KIF1A: variants seen among roughly 807,000 people sequenced by gnomAD.
KIF1A encodes kinesin-like protein KIF1A.
Under a neutral mutation model 227.3 loss-of-function variants are expected in KIF1A, and 46 were observed. The observed-to-expected ratio is 0.20, with a 90% CI of 0.16 to 0.26. The LOEUF is 0.26. KIF1A is among the 10% of genes least tolerant of loss of function. KIF1A has a pLI of 1.00. For missense variants in KIF1A, 1,683 were observed against 2,485.9 expected, an observed-to-expected ratio of 0.68 and a Z score of 6.87; for synonymous variants, 1,022 against 1,012.8, an observed-to-expected ratio of 1.01 and a Z score of -0.17.
In KIF1A at chr2:240,740,437, G is replaced by T; in HGVS notation, c.3750-73C>A. ...CCCTCCCCGCAGCACAGGACACAGT[G>T]GACGGGAGCAAAAACAGGGAAAAGT... On this transcript the variant is annotated intron_variant, in intron 35 of 48. Coordinates refer to ENST00000498729, the MANE Select transcript of KIF1A (RefSeq NM_001244008.2). This position sits in a 1 kb window ranked among gnomAD's most constrained non-coding sequence, Gnocchi z 6.1. The T allele has an allele frequency of 1.5e-6, 2 of 1,297,308 alleles. No homozygotes were observed. The highest frequency in any genetic ancestry group is 1.2e-5 in the South Asian group (1 of 81,312). The allele number at this position is 1,297,308 out of a possible 1,614,324, so 80.4% of individuals were successfully genotyped here.
intron 1 of KIF1A, among the ~76,000 whole-genome samples, chr2:240,810,753 G>A (rs1013816092): frequency 4.6e-5 from 7 of 152,172 alleles, no homozygotes; most frequent in Admixed American, 6.5e-5. Context: ...CTCCAGGAGC[G>A]ATCAGCACCG....
At chr2:240,811,697 C>T (rs1232710963) in intron 1 of KIF1A, among the ~76,000 whole-genome samples, 3 of 152,054 alleles carry the variant, frequency 2.0e-5, no homozygotes, top group Non-Finnish European at 2.9e-5. Context: ...GGTGAGGTCA[C>T]GCTGGCTGGA....
At chr2:240,749,625 C>T (rs188215558) in intron 28 of KIF1A, among the ~76,000 whole-genome samples, 1 of 152,320 alleles carries the variant, frequency 6.6e-6, no homozygotes, top group East Asian at 1.9e-4. Context: ...TGTTGCCCTG[C>T]AGCTTCCAGG....
chr2:240,802,817 A>G (rs1316081229), intron 1 of KIF1A, among the ~76,000 whole-genome samples: 1 of 152,024 alleles, frequency 6.6e-6, no homozygotes, highest in Non-Finnish European at 1.5e-5. Context: ...TTTTGTAGGG[A>G]TGGGGTTTCA....
Position 240,757,453 on chromosome 2 carries a change from CT to C in KIF1A, c.2723del (p.Glu908GlyfsTer43). The C allele has an allele frequency of 6.5e-7, 1 of 1,550,098 alleles. No homozygotes were observed. Among genetic ancestry groups the C allele is most frequent in the Non-Finnish European group, 8.7e-7 (1 of 1,146,736 alleles). On this transcript the variant is annotated frameshift_variant, in exon 27 of 49. Transcript: ENST00000498729. LOFTEE classifies it high-confidence loss of function. This position sits in a 1 kb window ranked among gnomAD's most constrained non-coding sequence, Gnocchi z 6.2. ...TEPAEEQSVG[E>X]EEEEEEEEED... Reference sequence around the variant, plus strand: ...CCTCCTCCTCCTCCTCCTCCTCCTCCTCCCCCACGCTCTGCTCCTCGGCAGG... The same window carrying C: ...CCTCCTCCTCCTCCTCCTCCTCCTCCCCCCCACGCTCTGCTCCTCGGCAGG...
rs377367092 is a variant in KIF1A at position 240,721,791 on chromosome 2, G to A, written c.4743+16C>T. 2 of 1,595,846 alleles carry A rather than the reference G, an allele frequency of 1.3e-6. No homozygotes were observed. The highest frequency in any genetic ancestry group is 1.7e-6 in the Non-Finnish European group (2 of 1,175,000). On this transcript the variant is annotated intron_variant, in intron 44 of 48. Coordinates refer to ENST00000498729, the MANE Select transcript of KIF1A (RefSeq NM_001244008.2). ...GAGCCCTGCGGGGCAGCCTGGTGCA[G>A]CCCCTCTGCACCCACCTTGCTCTCG... is the stretch of plus-strand genomic sequence containing the variant.
At chr2:240,796,098 G>A (rs1407151652) in intron 2 of KIF1A, among the ~76,000 whole-genome samples, 2 of 152,186 alleles carry the variant, frequency 1.3e-5, no homozygotes, top group Non-Finnish European at 2.9e-5. Context: ...CGTGGAACAG[G>A]CGTCCTCTGC....
chr2:240,817,349 C>A (rs1048201933), intron 1 of KIF1A, among the ~76,000 whole-genome samples: 1 of 152,134 alleles, frequency 6.6e-6, no homozygotes, highest in African/African-American at 2.4e-5. Context: ...CTTTGGCCAC[C>A]CATATTGTGG....
intron 38 of KIF1A, among the ~76,000 whole-genome samples, chr2:240,732,124 G>GGAGGGGAGGGGGGGAGGAGGAA (rs2046744210): frequency 4.0e-5 from 1 of 25,010 alleles, no homozygotes; most frequent in Non-Finnish European, 7.6e-5. Flanking sequence ...AGGGATGAGG[G>GGAGGGGAGGGGGGGAGGAGGAA]GAGGGGAGGA....
At chr2:240,745,114 G>C (rs1401939180) in intron 32 of KIF1A, among the ~76,000 whole-genome samples, 1 of 152,062 alleles carries the variant, frequency 6.6e-6, no homozygotes, top group African/African-American at 2.4e-5. Flanking sequence ...GGCTGCCCTG[G>C]CTGAGCACCC....
chr2:240,728,076 A>AC (rs2046232217), intron 38 of KIF1A, among the ~76,000 whole-genome samples: 1 of 152,186 alleles, frequency 6.6e-6, no homozygotes, highest in African/African-American at 2.4e-5. Flanking sequence ...CTGGGCGGCC[A>AC]CGCAGGCTCC....
intron 46 of KIF1A, 89 bp from the exon 47 acceptor site, chr2:240,719,287 G>T: frequency 7.1e-7 from 1 of 1,410,480 alleles, no homozygotes; most frequent in Non-Finnish European, 9.6e-7. Context: ...GAGCTGGGAC[G>T]CAGCAGTGCC....
intron 11 of KIF1A, among the ~76,000 whole-genome samples, chr2:240,774,476 C>A (rs1166005999): frequency 6.7e-6 from 1 of 149,608 alleles, no homozygotes; most frequent in Non-Finnish European, 1.5e-5. Context: ...CTGAACCAGG[C>A]ACCGCTATTA....
At chr2:240,719,240 G>C (rs755918696) in intron 46 of KIF1A, 42 bp from the exon 47 acceptor site, 2 of 1,571,192 alleles carry the variant, frequency 1.3e-6, no homozygotes, top group Non-Finnish European at 1.7e-6. Context: ...CTCGGTGGGG[G>C]CAGCGACTGA....
At chr2:240,763,465 TC>T in intron 20 of KIF1A, 119 bp from the exon 21 acceptor site, 1 of 902,266 alleles carries the variant, frequency 1.1e-6, no homozygotes, top group Non-Finnish European at 1.6e-6. Context: ...CATCCCCAGC[TC>T]CCAGCCACTC....
At position 240,785,192 on chromosome 2, in the gene KIF1A, G is replaced by T. The variant is rs750003453; in HGVS notation, c.609-92C>A. ...GCCAGCCCTCTGAACCAGGTCATCGGGGGGGGCAGTTCCCCCAGACCCCAG... is the reference window on the plus strand; with the variant it reads ...GCCAGCCCTCTGAACCAGGTCATCGTGGGGGGCAGTTCCCCCAGACCCCAG... On this transcript the variant is annotated intron_variant, in intron 6 of 48. Transcript: ENST00000498729. 1.6e-3 allele frequency: 1,678 copies of T among 1,048,004 alleles called. 1 individual carries two copies. Among genetic ancestry groups the T allele is most frequent in the Non-Finnish European group, 2.2e-3 (1,507 of 698,654 alleles). The allele number at this position is 1,048,004 out of a possible 1,614,324, so 64.9% of individuals were successfully genotyped here. A position where few individuals can be genotyped will look rare whatever the true frequency, so the allele number is the denominator to read the frequency against.
chr2:240,810,486 C>T (rs1373485353), intron 1 of KIF1A, among the ~76,000 whole-genome samples: 1 of 152,138 alleles, frequency 6.6e-6, no homozygotes, highest in Non-Finnish European at 1.5e-5. Flanking sequence ...TGAACGGGTG[C>T]CACCACTTTG....
chr2:240,780,848 CCACA>C (rs1372214850), intron 10 of KIF1A, among the ~76,000 whole-genome samples: 3 of 20,242 alleles, frequency 1.5e-4, no homozygotes, highest in South Asian at 1.1e-3. Context: ...ACACACAGCT[CCACA>C]CACACACACA....
In KIF1A at chr2:240,787,308, C is replaced by T. The variant is rs2055065140; in HGVS notation, c.372G>A (p.Glu124=). The part of the protein sequence containing the change: ...DQQGIIPQLC[E]DLFSRINDTT... ...TGTCGTTGATCCGAGAGAAGAGGTC[C>T]TCGCAGAGCTGCAGGAATGGGGGGA... The change falls in exon 5 of 49, where the codon GAG becomes GAA. Residue 124 remains glutamate (E), a synonymous_variant. Transcript: ENST00000498729. 1 of 1,613,222 alleles carries T rather than the reference C, an allele frequency of 6.2e-7. No individual in the cohort carries two copies. The highest frequency in any genetic ancestry group is 8.5e-7 in the Non-Finnish European group (1 of 1,179,686).
Sources: gnomAD v4.1 joint callset for allele counts (sites outside exome capture counted in the v4.1 genomes callset) on GRCh38, gnomAD v4.1.1 for gene constraint, Gnocchi (gnomAD v3.1) non-coding constraint, MANE v1.5 for transcripts, NCBI Gene and HGNC (gene_info 2026-07-23, HGNC 2026-07-21) for gene names.